ANXA8: variants seen among roughly 807,000 people sequenced by gnomAD.
The protein encoded by ANXA8 is VAC-beta.
Under a neutral mutation model 26.8 loss-of-function variants are expected in ANXA8, and 9 were observed. The ratio of observed to expected loss-of-function variants is 0.34; its 90% CI spans 0.20 to 0.59. ANXA8 has a LOEUF of 0.59. Ranked by LOEUF, ANXA8 falls within the 20% of genes least tolerant of loss-of-function variation. The pLI is 0.84. For synonymous variants in ANXA8, 39 were observed against 94.8 expected, an observed-to-expected ratio of 0.41 and a Z score of 3.42; for missense variants, 83 against 238.5, an observed-to-expected ratio of 0.35 and a Z score of 4.29.
the ANXA8 span, among the ~76,000 whole-genome samples, chr10:47,949,325 C>T: frequency 1.3e-5 from 2 of 149,314 alleles, no homozygotes; most frequent in Non-Finnish European, 3.0e-5. Flanking sequence ...GATATCACCA[C>T]TGGATACTCC....
At chr10:47,503,176 C>T in the ANXA8 span, 1 of 1,606,406 alleles carries the variant, frequency 6.2e-7, no homozygotes, top group East Asian at 2.3e-5. Flanking sequence ...ATCACCTAAG[C>T]TTGAATAATA....
At chr10:47,595,751 A>G in the ANXA8 span, among the ~76,000 whole-genome samples, 1 of 149,186 alleles carries the variant, frequency 6.7e-6, no homozygotes, top group African/African-American at 2.6e-5. Context: ...TAATTGGAGC[A>G]TCACGATACA....
chr10:47,762,291 G>C, the ANXA8 span, among the ~76,000 whole-genome samples: 2 of 151,718 alleles, frequency 1.3e-5, no homozygotes, highest in East Asian at 3.9e-4. Context: ...GACCTAGGAG[G>C]CTTCGCCCCG....
At chr10:47,991,008 CAAATGAACATCATTGAT>C in the ANXA8 span, among the ~76,000 whole-genome samples, 138 of 141,272 alleles carry the variant, frequency 9.8e-4, 2 homozygotes, top group Admixed American at 3.0e-3. Flanking sequence ...CCAGTCTTGA[CAAATGAACATCATTGAT>C]CCCTGAGGTG....
the ANXA8 span, among the ~76,000 whole-genome samples, chr10:47,606,646 G>A: frequency 6.1e-5 from 9 of 148,628 alleles, no homozygotes; most frequent in African/African-American, 1.8e-4. Context: ...TCATAGGTGG[G>A]AGCTAAATGA....
chr10:47,694,622 T>G, the ANXA8 span, among the ~76,000 whole-genome samples: 2 of 151,620 alleles, frequency 1.3e-5, no homozygotes, highest in African/African-American at 4.8e-5. Flanking sequence ...GGTTTCACCA[T>G]ATTGGCCGGG....
the ANXA8 span, among the ~76,000 whole-genome samples, chr10:47,683,162 G>A: frequency 2.6e-5 from 4 of 151,140 alleles, no homozygotes; most frequent in African/African-American, 4.9e-5. Context: ...TTCATAAGTT[G>A]CATAAAAAGT....
the ANXA8 span, among the ~76,000 whole-genome samples, chr10:47,733,211 T>TCTCTCTCTC: frequency 1.2e-4 from 10 of 82,342 alleles, no homozygotes; most frequent in Admixed American, 5.1e-4. Context: ...CTTTCTTTCT[T>TCTCTCTCTC]TCTTTCTTTC....
At chr10:47,654,192 T>C in the ANXA8 span, among the ~76,000 whole-genome samples, 1 of 150,032 alleles carries the variant, frequency 6.7e-6, no homozygotes, top group African/African-American at 2.5e-5. Flanking sequence ...GGTTAAAACG[T>C]TCAGATTGTC....
the ANXA8 span, among the ~76,000 whole-genome samples, chr10:47,942,420 T>C: frequency 0.79 from 111,827 of 141,148 alleles, 46,060 homozygotes; most frequent in South Asian, 0.82. Context: ...GTGTGAGAGG[T>C]ACAGGGTTTG....
At chr10:47,687,082 TGAGA>T in the ANXA8 span, among the ~76,000 whole-genome samples, 3 of 150,070 alleles carry the variant, frequency 2.0e-5, no homozygotes, top group South Asian at 2.1e-4. Flanking sequence ...CCAGCCTGGG[TGAGA>T]GAGAGAGACC....
chr10:47,970,802 AACAG>A, the ANXA8 span, among the ~76,000 whole-genome samples: 2 of 151,334 alleles, frequency 1.3e-5, no homozygotes, highest in Non-Finnish European at 3.0e-5. Flanking sequence ...TAATGGACAA[AACAG>A]CCCTGGGAAG....
the ANXA8 span, among the ~76,000 whole-genome samples, chr10:47,588,089 G>A: frequency 6.9e-6 from 1 of 144,474 alleles, no homozygotes; most frequent in Admixed American, 6.7e-5. Flanking sequence ...TCAGAATGGT[G>A]ACAATGGGAG....
chr10:47,587,314 A>G, the ANXA8 span, among the ~76,000 whole-genome samples: 1 of 148,956 alleles, frequency 6.7e-6, no homozygotes, highest in Non-Finnish European at 1.5e-5. Context: ...CTCACGATTT[A>G]TAAACTAACT....
chr10:47,671,892 G>A, the ANXA8 span, among the ~76,000 whole-genome samples: 3 of 150,706 alleles, frequency 2.0e-5, no homozygotes, highest in Admixed American at 6.6e-5. Flanking sequence ...TATTTTGTGA[G>A]CCACCGTGCC....
the ANXA8 span, among the ~76,000 whole-genome samples, chr10:47,687,003 C>T: frequency 6.6e-6 from 1 of 151,478 alleles, no homozygotes; most frequent in Non-Finnish European, 1.5e-5. Flanking sequence ...ATTTGGGAGG[C>T]TGTGGCTGGA....
chr10:47,695,379 G>T, the ANXA8 span, among the ~76,000 whole-genome samples: 1 of 150,940 alleles, frequency 6.6e-6, no homozygotes, highest in Admixed American at 6.6e-5. Flanking sequence ...AGCAGCAGAG[G>T]GGTAGGTGGG....
At chr10:47,946,595 G>T in the ANXA8 span, among the ~76,000 whole-genome samples, 8 of 150,694 alleles carry the variant, frequency 5.3e-5, no homozygotes, top group East Asian at 1.7e-3. Flanking sequence ...TGGCCCTGGG[G>T]AGATTTCTTA....
chr10:47,506,318 GT>G, the ANXA8 span, among the ~76,000 whole-genome samples: 1 of 136,566 alleles, frequency 7.3e-6, no homozygotes, highest in African/African-American at 2.7e-5. Flanking sequence ...ATGAGGTTAG[GT>G]CATCTTATTG....
Sources: gnomAD v4.1 joint callset for allele counts (sites outside exome capture counted in the v4.1 genomes callset) on GRCh38, gnomAD v4.1.1 for gene constraint, MANE v1.5 for transcripts, NCBI Gene and HGNC (gene_info 2026-07-23, HGNC 2026-07-21) for gene names.